The following NPAS3 variants were observed in gnomAD, a reference collection of about 807,000 sequenced individuals.
NPAS3 encodes the protein neuronal PAS domain protein 3.
A neutral mutation model predicts 73.1 loss-of-function variants in NPAS3; 14 were observed. The ratio of observed to expected loss-of-function variants is 0.19; its 90% confidence interval spans 0.13 to 0.30. The LOEUF (loss-of-function observed/expected upper bound fraction) is 0.30, where lower values mean the gene tolerates loss of function less well. Among genes scored for constraint, NPAS3 ranks in the 10% least tolerant of loss-of-function variants. The pLI is 1.00. For synonymous variants in NPAS3, 620 were observed against 541.5 expected (o/e 1.14, Z -2.01); for missense variants, 1,096 against 1,250.0 (o/e 0.88, Z 1.86).
At chr14:33,157,306 C>T (rs2044683179) in intron 2 of NPAS3, among the ~76,000 whole-genome samples, 1 of 152,186 alleles carries the variant, frequency 6.6e-6, no homozygotes, top group South Asian at 2.1e-4. Context: ...TCTTCTTTAT[C>T]AGAGAACCTA....
At chr14:33,415,064 A>T (rs2048092820) in intron 4 of NPAS3, among the ~76,000 whole-genome samples, 1 of 152,126 alleles carries the variant, frequency 6.6e-6, no homozygotes, top group African/African-American at 2.4e-5. Context: ...TTCAACCAAT[A>T]TGCATAAGAC....
chr14:33,536,171 A>G (rs189311335), intron 4 of NPAS3, among the ~76,000 whole-genome samples: 2 of 152,342 alleles, frequency 1.3e-5, no homozygotes, highest in African/African-American at 2.4e-5. Context: ...ATCAAACCTG[A>G]AGACATAGAG....
chr14:33,342,802 G>A (rs1594736535), intron 3 of NPAS3, among the ~76,000 whole-genome samples: 1 of 151,962 alleles, frequency 6.6e-6, no homozygotes, highest in East Asian at 1.9e-4. Flanking sequence ...CTGGGGTGCA[G>A]TTTAATGAAT....
intron 3 of NPAS3, among the ~76,000 whole-genome samples, chr14:33,245,702 TCA>T (rs1260421988): frequency 1.3e-5 from 2 of 152,288 alleles, no homozygotes; most frequent in Non-Finnish European, 2.9e-5. Flanking sequence ...ATTTAACATT[TCA>T]CAGAGTTAAA....
At chr14:33,363,105 G>T (rs771531667) in intron 3 of NPAS3, among the ~76,000 whole-genome samples, 1 of 152,108 alleles carries the variant, frequency 6.6e-6, no homozygotes, top group South Asian at 2.1e-4. Flanking sequence ...TTTTGTAATG[G>T]GTTCTTCCAT....
At chr14:33,543,946 CATATATATATATATATATATAT>C (rs35154724) in intron 4 of NPAS3, among the ~76,000 whole-genome samples, 146 of 104,980 alleles carry the variant, frequency 1.4e-3, no homozygotes, top group East Asian at 0.01. Flanking sequence ...TGGCAAAGTG[CATATATATATATATATATATAT>C]ATATATATAT....
chr14:33,536,237 G>C (rs1297208682), intron 4 of NPAS3, among the ~76,000 whole-genome samples: 1 of 152,080 alleles, frequency 6.6e-6, no homozygotes, highest in Non-Finnish European at 1.5e-5. Context: ...TCTCTGTTGA[G>C]GTTATGATAT....
At chr14:33,764,650 T>C (rs2062402880) in intron 7 of NPAS3, among the ~76,000 whole-genome samples, 1 of 152,152 alleles carries the variant, frequency 6.6e-6, no homozygotes, top group East Asian at 1.9e-4. Flanking sequence ...TGAGAAGAAC[T>C]GCCTCTCTAC....
intron 1 of NPAS3, among the ~76,000 whole-genome samples, chr14:33,000,542 A>G (rs1401867028): frequency 6.6e-6 from 1 of 152,218 alleles, no homozygotes; most frequent in Non-Finnish European, 1.5e-5. Flanking sequence ...TTGAACTTCA[A>G]TTAGTTGGGT....
intron 1 of NPAS3, among the ~76,000 whole-genome samples, chr14:33,033,211 A>T (rs2040053955): frequency 6.6e-6 from 1 of 152,100 alleles, no homozygotes; most frequent in Admixed American, 6.6e-5. Flanking sequence ...GGTGTGGGTG[A>T]CTCACATCTG....
chr14:33,659,353 G>A (rs8015106), intron 5 of NPAS3, among the ~76,000 whole-genome samples: 81,339 of 151,944 alleles, frequency 0.54, 21,969 homozygotes, highest in African/African-American at 0.61. Flanking sequence ...TAGAGTCTAC[G>A]TTAATGACCA....
chr14:33,260,684 G>A (rs933406773), intron 3 of NPAS3, among the ~76,000 whole-genome samples: 1 of 151,932 alleles, frequency 6.6e-6, no homozygotes, highest in African/African-American at 2.4e-5. Flanking sequence ...TAACAGTTTT[G>A]TCCTGGTCTT....
At chr14:33,084,649 A>AC (rs2041963643) in intron 2 of NPAS3, among the ~76,000 whole-genome samples, 1 of 152,082 alleles carries the variant, frequency 6.6e-6, no homozygotes, top group African/African-American at 2.4e-5. Context: ...AATCCTGGGG[A>AC]CCTGTGTGAT....
At chr14:33,241,143 A>C (rs2048201801) in intron 3 of NPAS3, among the ~76,000 whole-genome samples, 1 of 151,932 alleles carries the variant, frequency 6.6e-6, no homozygotes, top group African/African-American at 2.4e-5. Context: ...GAAGCTCTGC[A>C]TGAAGTGTCT....
At chr14:33,373,254 A>G (rs996746131) in intron 4 of NPAS3, among the ~76,000 whole-genome samples, 3 of 152,176 alleles carry the variant, frequency 2.0e-5, no homozygotes, top group Admixed American at 1.3e-4. Flanking sequence ...AAGTTGCAAT[A>G]TTGTTTTTGC....
intron 3 of NPAS3, 108 bp downstream of exon 3, chr14:33,215,534 A>C (rs778692335): frequency 8.1e-7 from 1 of 1,229,496 alleles, no homozygotes; most frequent in Admixed American, 1.8e-5. Context: ...AAATCCTTTA[A>C]AGGGATACAA....
At chr14:33,575,455 C>T (rs1366802654) in intron 5 of NPAS3, among the ~76,000 whole-genome samples, 2 of 152,182 alleles carry the variant, frequency 1.3e-5, no homozygotes, top group African/African-American at 2.4e-5. Context: ...TGCCAGATCT[C>T]TCTAATTTGT....
chr14:33,354,433 C>T (rs185301149), intron 3 of NPAS3, among the ~76,000 whole-genome samples: 2 of 152,280 alleles, frequency 1.3e-5, no homozygotes, highest in Admixed American at 1.3e-4. Flanking sequence ...TGGCTGTCTG[C>T]ACTCAGGCTT....
At chr14:33,413,888 A>T (rs2048036704) in intron 4 of NPAS3, among the ~76,000 whole-genome samples, 1 of 152,108 alleles carries the variant, frequency 6.6e-6, no homozygotes, top group Admixed American at 6.6e-5. Context: ...GAGCTCTAGA[A>T]TAAATTCCAT....
Sources: allele counts gnomAD v4.1 joint callset (sites outside exome capture counted in the v4.1 genomes callset), GRCh38; gene constraint gnomAD v4.1.1; transcripts MANE v1.5; gene names NCBI Gene and HGNC (gene_info 2026-07-23, HGNC 2026-07-21).